APBB2: variants seen among roughly 807,000 people sequenced by gnomAD.
APBB2 encodes the protein Fe65-like 1.
APBB2 carries 38 observed loss-of-function variants against 82.5 expected under a neutral mutation model. That is an observed-to-expected ratio of 0.46 (90% confidence interval 0.36 to 0.60). APBB2 has a LOEUF of 0.60. Ranked by LOEUF, APBB2 falls within the 20% of genes least tolerant of loss-of-function variation. APBB2 has a pLI of 0.00. For missense variants in APBB2, 772 were observed against 972.3 expected, an observed-to-expected ratio of 0.79 and a Z score of 2.74; for synonymous variants, 341 against 368.2, an observed-to-expected ratio of 0.93 and a Z score of 0.85.
chr4:40,945,099 G>T, intron 6 of APBB2, 26 bp from the exon 7 acceptor site: 4 of 1,199,836 alleles, frequency 3.3e-6, no homozygotes, highest in East Asian at 3.3e-5. Flanking sequence ...GCGGGGCGGG[G>T]GGAGAAAGAG....
intron 6 of APBB2, among the ~76,000 whole-genome samples, chr4:41,005,466 A>C (rs1806444580): frequency 6.6e-6 from 1 of 152,072 alleles, no homozygotes; most frequent in South Asian, 2.1e-4. Context: ...CTCATGATGA[A>C]ATTTGACCAG....
chr4:41,195,185 T>C, intron 1 of APBB2, among the ~76,000 whole-genome samples: 27,990 of 152,032 alleles, frequency 0.18, 3,625 homozygotes, highest in African/African-American at 0.36. Context: ...CCCTAAGCTC[T>C]AAACTCGTAA....
intron 4 of APBB2, among the ~76,000 whole-genome samples, chr4:41,039,024 T>C (rs565503713): frequency 1.3e-5 from 2 of 152,376 alleles, no homozygotes; most frequent in South Asian, 4.1e-4. Flanking sequence ...AACAACTCTT[T>C]GGAATATTCC....
intron 12 of APBB2, among the ~76,000 whole-genome samples, chr4:40,886,394 C>T (rs567691153): frequency 1.3e-5 from 2 of 152,112 alleles, no homozygotes; most frequent in Admixed American, 6.5e-5. Context: ...GCAGAAGAAC[C>T]GCTTGAAACC....
At chr4:40,948,890 C>CAAAAAAAAA (rs59172492) in intron 6 of APBB2, among the ~76,000 whole-genome samples, 18 of 101,580 alleles carry the variant, frequency 1.8e-4, no homozygotes, top group African/African-American at 6.5e-4. Flanking sequence ...ATCCTGTCTC[C>CAAAAAAAAA]AAAAAAAAAA....
chr4:40,821,765 G>C (rs1326565828), intron 17 of APBB2, 106 bp downstream of exon 17: 65 of 1,305,778 alleles, frequency 5.0e-5, no homozygotes, highest in Non-Finnish European at 6.4e-5. Context: ...CATTACTTTA[G>C]GGATTCGACT....
chr4:41,094,562 A>T (rs891880297), intron 3 of APBB2, among the ~76,000 whole-genome samples: 5 of 152,112 alleles, frequency 3.3e-5, no homozygotes, highest in Admixed American at 2.0e-4. Flanking sequence ...GAGATTATTA[A>T]TTCTATCAGC....
intron 3 of APBB2, among the ~76,000 whole-genome samples, chr4:41,099,656 T>C (rs1232933869): frequency 1.3e-5 from 2 of 152,236 alleles, no homozygotes. Context: ...TACTATTTAA[T>C]GCTTTCATAG....
intron 1 of APBB2, among the ~76,000 whole-genome samples, chr4:41,206,142 G>A (rs980917798): frequency 2.0e-5 from 3 of 152,194 alleles, no homozygotes; most frequent in East Asian, 1.9e-4. Context: ...GCCAAATCCC[G>A]AGTTCCCTTA....
intron 12 of APBB2, among the ~76,000 whole-genome samples, chr4:40,868,046 T>G (rs1395068608): frequency 1.3e-5 from 2 of 150,676 alleles, no homozygotes; most frequent in Non-Finnish European, 3.0e-5. Flanking sequence ...TTTTTAGAGA[T>G]GGGGTCTTGC....
chr4:41,065,743 T>C (rs1324041506), intron 3 of APBB2, 70 bp from the exon 4 acceptor site: 1 of 151,816 alleles, frequency 6.6e-6, no homozygotes, highest in Non-Finnish European at 1.5e-5. Flanking sequence ...GCTTTTTTTT[T>C]TTTTTTTTCA....
intron 5 of APBB2, among the ~76,000 whole-genome samples, chr4:41,031,121 A>G (rs1452949231): frequency 6.6e-6 from 1 of 152,194 alleles, no homozygotes; most frequent in African/African-American, 2.4e-5. Flanking sequence ...GTTACTCGGG[A>G]GCCTGAGGCA....
chr4:41,155,069 G>A (rs1032195034), intron 1 of APBB2, among the ~76,000 whole-genome samples: 2 of 152,134 alleles, frequency 1.3e-5, no homozygotes, highest in African/African-American at 2.4e-5. Flanking sequence ...TAAAATTAAC[G>A]GGTTTGGTCA....
At chr4:40,895,412 C>CTTG (rs1773387268) in intron 10 of APBB2, among the ~76,000 whole-genome samples, 1 of 152,248 alleles carries the variant, frequency 6.6e-6, no homozygotes, top group Non-Finnish European at 1.5e-5. Context: ...TGTATACACA[C>CTTG]TGCAGGGAAC....
intron 1 of APBB2, among the ~76,000 whole-genome samples, chr4:41,172,099 C>T (rs550720749): frequency 2.0e-5 from 3 of 152,086 alleles, no homozygotes; most frequent in South Asian, 2.1e-4. Context: ...GACTCCATCT[C>T]GAAACAATAA....
intron 1 of APBB2, among the ~76,000 whole-genome samples, chr4:41,190,057 C>G (rs1254731754): frequency 6.6e-6 from 1 of 151,992 alleles, no homozygotes; most frequent in African/African-American, 2.4e-5. Flanking sequence ...ATTTAATTAT[C>G]CAAATAGGTC....
chr4:41,045,092 T>C (rs1180246996), intron 4 of APBB2, among the ~76,000 whole-genome samples: 1 of 152,144 alleles, frequency 6.6e-6, no homozygotes, highest in Non-Finnish European at 1.5e-5. Context: ...TTGTAGTATT[T>C]AGTTGATTTT....
chr4:41,139,932 G>A (rs957995247), intron 2 of APBB2, among the ~76,000 whole-genome samples: 1 of 152,062 alleles, frequency 6.6e-6, no homozygotes, highest in African/African-American at 2.4e-5. Context: ...ATCAATATTG[G>A]CTCATCAATT....
At chr4:40,858,593 G>A (rs1417273914) in intron 12 of APBB2, among the ~76,000 whole-genome samples, 1 of 151,956 alleles carries the variant, frequency 6.6e-6, no homozygotes, top group African/African-American at 2.4e-5. Flanking sequence ...AATCAAGGGA[G>A]TATTTAACTA....
Sources: allele counts gnomAD v4.1 joint callset (sites outside exome capture counted in the v4.1 genomes callset), GRCh38; gene constraint gnomAD v4.1.1; transcripts MANE v1.5; gene names NCBI Gene and HGNC (gene_info 2026-07-23, HGNC 2026-07-21).